The following TSPAN5 variants were observed in gnomAD, a reference collection of about 807,000 sequenced individuals.
TSPAN5 encodes the protein tetraspanin-5.
TSPAN5 carries 10 observed loss-of-function variants against 37.1 expected under a neutral mutation model. That is an observed-to-expected ratio of 0.27 (90% CI 0.17 to 0.46). The LOEUF is 0.46. Ranked by LOEUF, TSPAN5 falls within the 20% of genes least tolerant of loss-of-function variation. TSPAN5 has a pLI of 1.00. For missense variants in TSPAN5, 195 were observed against 326.6 expected (o/e 0.60, Z 3.11); for synonymous variants, 110 against 118.9 (o/e 0.93, Z 0.48).
intron 1 of TSPAN5, among the ~76,000 whole-genome samples, chr4:98,627,890 A>G (rs1756645680): frequency 6.6e-6 from 1 of 152,242 alleles, no homozygotes; most frequent in South Asian, 2.1e-4. Context: ...GAAAAAAACA[A>G]CAGCACTAGG....
intron 2 of TSPAN5, among the ~76,000 whole-genome samples, chr4:98,493,726 A>G (rs1218617264): frequency 6.6e-6 from 1 of 152,188 alleles, no homozygotes; most frequent in Non-Finnish European, 1.5e-5. Context: ...TGCTATGTCA[A>G]TATTCTTCTT....
At chr4:98,603,361 T>C (rs1400960379) in intron 1 of TSPAN5, among the ~76,000 whole-genome samples, 1 of 152,254 alleles carries the variant, frequency 6.6e-6, no homozygotes, top group Non-Finnish European at 1.5e-5. Flanking sequence ...ATGTTCATGA[T>C]GTTGCTAAAG....
At chr4:98,537,653 T>TGA (rs1270073261) in intron 1 of TSPAN5, among the ~76,000 whole-genome samples, 2 of 152,202 alleles carry the variant, frequency 1.3e-5, no homozygotes, top group African/African-American at 4.8e-5. Flanking sequence ...GCTCTCAACA[T>TGA]GTGCCTCACC....
At chr4:98,649,565 G>A (rs75465394) in intron 1 of TSPAN5, among the ~76,000 whole-genome samples, 18,549 of 152,202 alleles carry the variant, frequency 0.12, 1,335 homozygotes, top group South Asian at 0.3. Flanking sequence ...TTAATAACTA[G>A]TATTTGTATT....
At chr4:98,536,990 T>C (rs1328127551) in intron 1 of TSPAN5, among the ~76,000 whole-genome samples, 1 of 152,072 alleles carries the variant, frequency 6.6e-6, no homozygotes, top group Non-Finnish European at 1.5e-5. Context: ...TCAGCACCCC[T>C]TTCCAGGAGA....
chr4:98,493,455 C>A (rs1753129333), intron 2 of TSPAN5, among the ~76,000 whole-genome samples: 1 of 152,188 alleles, frequency 6.6e-6, no homozygotes, highest in South Asian at 2.1e-4. Context: ...TAACGGGCCA[C>A]ACACAGTTAT....
intron 1 of TSPAN5, among the ~76,000 whole-genome samples, chr4:98,653,897 G>A (rs1408601270): frequency 6.6e-6 from 1 of 152,162 alleles, no homozygotes; most frequent in Non-Finnish European, 1.5e-5. Context: ...TCAAAAGGTG[G>A]CTTCTAATTC....
intron 1 of TSPAN5, among the ~76,000 whole-genome samples, chr4:98,612,309 G>A (rs1340515820): frequency 1.3e-5 from 2 of 152,150 alleles, no homozygotes; most frequent in African/African-American, 4.8e-5. Flanking sequence ...AGGGTTGTAG[G>A]TGAATGAAGG....
chr4:98,523,443 G>GT lies in TSPAN5; in HGVS notation c.82-15716dup, dbSNP rs201479694. On this transcript the variant is annotated intron_variant, in intron 1 of 7. Transcript: ENST00000305798. ...AATCAACATGGAAATAAAAATTATGGTTTTTTTTTGAGACAGAGTCTCCGT... is the reference window on the plus strand; with the variant it reads ...AATCAACATGGAAATAAAAATTATGGTTTTTTTTTTGAGACAGAGTCTCCGT... Among the ~76,000 whole-genome samples, 500 of 151,336 alleles carry GT rather than the reference G, an allele frequency of 3.3e-3. 3 individuals carry two copies. Among genetic ancestry groups the GT allele is most frequent in the African/African-American group, 0.011 (471 of 41,266 alleles).
intron 1 of TSPAN5, among the ~76,000 whole-genome samples, chr4:98,551,168 G>T (rs929270291): frequency 6.6e-6 from 1 of 152,116 alleles, no homozygotes; most frequent in African/African-American, 2.4e-5. Flanking sequence ...CTGTCTGCAT[G>T]ATGTATCACA....
chr4:98,540,411 C>A (rs541167103), intron 1 of TSPAN5, among the ~76,000 whole-genome samples: 13 of 152,002 alleles, frequency 8.6e-5, no homozygotes, highest in Non-Finnish European at 1.8e-4. Flanking sequence ...GATCTCGGCT[C>A]ACTGCAACCT....
intron 1 of TSPAN5, among the ~76,000 whole-genome samples, chr4:98,577,827 T>C (rs1755274949): frequency 6.6e-6 from 1 of 152,166 alleles, no homozygotes; most frequent in Non-Finnish European, 1.5e-5. Context: ...TACTAATCCT[T>C]AGGGTGTTTG....
chr4:98,485,762 CTTT>C (rs766494512), intron 3 of TSPAN5, among the ~76,000 whole-genome samples: 34 of 86,592 alleles, frequency 3.9e-4, no homozygotes, highest in African/African-American at 1.2e-3. Flanking sequence ...CTTGGATATG[CTTT>C]TTTTTTTTTT....
intron 1 of TSPAN5, among the ~76,000 whole-genome samples, chr4:98,575,271 C>T (rs1474944436): frequency 3.3e-5 from 5 of 152,018 alleles, no homozygotes; most frequent in Non-Finnish European, 7.4e-5. Flanking sequence ...GCTACTCACA[C>T]ACACATTCTC....
At chr4:98,592,698 T>G (rs1322884109) in intron 1 of TSPAN5, among the ~76,000 whole-genome samples, 3 of 149,254 alleles carry the variant, frequency 2.0e-5, no homozygotes. Context: ...TTGGTTTTTT[T>G]GTTCTTGCGA....
At chr4:98,476,351 G>C (rs1407771896) in intron 6 of TSPAN5, 46 bp from the exon 7 acceptor site, 1 of 1,612,972 alleles carries the variant, frequency 6.2e-7, no homozygotes, top group African/African-American at 1.3e-5. Context: ...TAGAGCACCA[G>C]GCACAGGCCA....
At chr4:98,562,666 CAA>C (rs1444504018) in intron 1 of TSPAN5, among the ~76,000 whole-genome samples, 5 of 127,682 alleles carry the variant, frequency 3.9e-5, no homozygotes, top group African/African-American at 1.9e-4. Context: ...TCTCAAAAAA[CAA>C]AACAAAACAA....
chr4:98,559,400 C>G (rs769466351), intron 1 of TSPAN5, among the ~76,000 whole-genome samples: 1 of 152,028 alleles, frequency 6.6e-6, no homozygotes, highest in African/African-American at 2.4e-5. Context: ...TTATCTCTGT[C>G]TTTTTGCAGA....
chr4:98,525,476 C>A (rs1753941466), intron 1 of TSPAN5, among the ~76,000 whole-genome samples: 2 of 152,182 alleles, frequency 1.3e-5, no homozygotes, highest in Non-Finnish European at 2.9e-5. Context: ...TAGGGTGGGT[C>A]CCTGCCTTGT....
Sources: gnomAD v4.1 joint callset for allele counts (sites outside exome capture counted in the v4.1 genomes callset) on GRCh38, gnomAD v4.1.1 for gene constraint, MANE v1.5 for transcripts, NCBI Gene and HGNC (gene_info 2026-07-23, HGNC 2026-07-21) for gene names.